GALNT17: variants seen among roughly 807,000 people sequenced by gnomAD.
GALNT17 encodes the protein polypeptide N-acetylgalactosaminyltransferase 17, also known as UDP-GalNAc:polypeptide N-acetylgalactosaminyltransferase-like 3.
GALNT17 carries 29 observed loss-of-function variants against 63.7 expected under a neutral mutation model. The observed-to-expected ratio is 0.46, with a 90% CI of 0.34 to 0.62. The LOEUF (loss-of-function observed/expected upper bound fraction) is 0.62, where lower values mean the gene tolerates loss of function less well. Ranked by LOEUF, GALNT17 falls within the 20% of genes least tolerant of loss-of-function variation. The probability of loss-of-function intolerance (pLI) is 0.01; values close to 1 mark genes in which losing one functional copy is unlikely to be tolerated. For missense variants in GALNT17, 603 were observed against 799.6 expected (o/e 0.75, Z 2.97); for synonymous variants, 305 against 318.3 (o/e 0.96, Z 0.45).
intron 5 of GALNT17, among the ~76,000 whole-genome samples, chr7:71,424,369 G>T (rs564099063): frequency 1.3e-5 from 2 of 152,332 alleles, no homozygotes; most frequent in East Asian, 3.9e-4. Flanking sequence ...CAGTATGAGG[G>T]TGTCACCGTA....
chr7:71,229,978 C>G (rs1382779660), intron 1 of GALNT17, among the ~76,000 whole-genome samples: 1 of 152,126 alleles, frequency 6.6e-6, no homozygotes, highest in Non-Finnish European at 1.5e-5. Flanking sequence ...CAGGCATTGC[C>G]CAGCACAGGC....
chr7:71,559,136 G>A (rs904095089), intron 5 of GALNT17, among the ~76,000 whole-genome samples: 8 of 152,208 alleles, frequency 5.3e-5, no homozygotes, highest in African/African-American at 1.4e-4. Context: ...TGAGCTGGAT[G>A]CAGTGTTTGA....
At chr7:71,699,252 G>A (rs1043271955) in intron 9 of GALNT17, among the ~76,000 whole-genome samples, 17 of 150,916 alleles carry the variant, frequency 1.1e-4, no homozygotes, top group South Asian at 2.1e-4. Context: ...GGCCGAGGCC[G>A]GTGGATCACG....
At chr7:71,291,112 C>G (rs533130777) in intron 1 of GALNT17, among the ~76,000 whole-genome samples, 3 of 152,318 alleles carry the variant, frequency 2.0e-5, no homozygotes, top group Non-Finnish European at 2.9e-5. Flanking sequence ...GAAATATACC[C>G]ATGATTATTA....
At chr7:71,335,756 G>C in intron 2 of GALNT17, 23 bp downstream of exon 2, 2 of 1,573,214 alleles carry the variant, frequency 1.3e-6, no homozygotes, top group Non-Finnish European at 1.7e-6. Context: ...TCAGTCATTT[G>C]CGGAGCTTGA....
chr7:71,711,239 G>A (rs922168445), intron 10 of GALNT17, among the ~76,000 whole-genome samples: 3 of 152,036 alleles, frequency 2.0e-5, no homozygotes, highest in Non-Finnish European at 2.9e-5. Flanking sequence ...GAGACCATCA[G>A]ACCAAGAATA....
At chr7:71,470,891 C>T (rs1347471117) in intron 5 of GALNT17, among the ~76,000 whole-genome samples, 1 of 152,074 alleles carries the variant, frequency 6.6e-6, no homozygotes, top group Non-Finnish European at 1.5e-5. Flanking sequence ...CAGTAATATA[C>T]TGGAATCTTG....
chr7:71,415,169 A>G (rs1161699671), intron 3 of GALNT17, among the ~76,000 whole-genome samples: 1 of 152,094 alleles, frequency 6.6e-6, no homozygotes, highest in Non-Finnish European at 1.5e-5. Flanking sequence ...GCACTCAGCC[A>G]AGTATCAGTC....
At chr7:71,613,000 C>T (rs1790147556) in intron 6 of GALNT17, among the ~76,000 whole-genome samples, 2 of 152,290 alleles carry the variant, frequency 1.3e-5, no homozygotes, top group African/African-American at 2.4e-5. Context: ...TGGTTAACGG[C>T]CCCCCTCTCG....
intron 9 of GALNT17, among the ~76,000 whole-genome samples, chr7:71,704,864 TC>T (rs1791700896): frequency 1.3e-5 from 2 of 151,974 alleles, no homozygotes; most frequent in African/African-American, 4.8e-5. Flanking sequence ...GAAAAAAAAT[TC>T]AAAGGGCATC....
intron 2 of GALNT17, among the ~76,000 whole-genome samples, chr7:71,337,539 A>C (rs1168290123): frequency 6.6e-6 from 1 of 152,132 alleles, no homozygotes; most frequent in African/African-American, 2.4e-5. Context: ...TATTGTTTCA[A>C]CTTACACTTT....
chr7:71,388,953 C>T (rs759290703), intron 3 of GALNT17, among the ~76,000 whole-genome samples: 2 of 152,170 alleles, frequency 1.3e-5, no homozygotes, highest in Non-Finnish European at 2.9e-5. Context: ...AGGAACTGGG[C>T]TCCACAGCAG....
chr7:71,142,406 T>C lies in GALNT17; in HGVS notation c.238+9366T>C, dbSNP rs562931099. ...CATCCCCTGCTCCTCCTCTTACTTA[T>C]AATGATGGTGCCTTTGGCTGATGGC... On this transcript the variant is annotated intron_variant, in intron 1 of 10. Coordinates refer to ENST00000333538, the MANE Select transcript of GALNT17 (RefSeq NM_022479.3). 5.9e-5 allele frequency among the ~76,000 whole-genome samples: 9 copies of C among 152,204 alleles called. No individual in the cohort carries two copies. In the South Asian group the frequency reaches 6.2e-4, roughly 10 times the overall value.
chr7:71,356,669 G>A (rs543894248), intron 2 of GALNT17, among the ~76,000 whole-genome samples: 2 of 152,172 alleles, frequency 1.3e-5, no homozygotes, highest in Non-Finnish European at 2.9e-5. Flanking sequence ...GTTCATGAGC[G>A]GTCGGCCCCA....
At chr7:71,411,465 T>C (rs1793428969) in intron 3 of GALNT17, among the ~76,000 whole-genome samples, 1 of 152,168 alleles carries the variant, frequency 6.6e-6, no homozygotes, top group Non-Finnish European at 1.5e-5. Flanking sequence ...ATTTGTGTGC[T>C]TCCATGGGAG....
At chr7:71,427,260 AT>A (rs559324303) in intron 5 of GALNT17, among the ~76,000 whole-genome samples, 7 of 149,072 alleles carry the variant, frequency 4.7e-5, no homozygotes, top group South Asian at 2.1e-4. Context: ...TTTTATTTTA[AT>A]TTTTTTTTGT....
chr7:71,393,147 G>A (rs368984888), intron 3 of GALNT17, among the ~76,000 whole-genome samples: 2 of 152,128 alleles, frequency 1.3e-5, no homozygotes, highest in African/African-American at 4.8e-5. Flanking sequence ...CTATAGATTT[G>A]TATCTGCATG....
chr7:71,467,669 G>A (rs1184267265), intron 5 of GALNT17, among the ~76,000 whole-genome samples: 2 of 152,070 alleles, frequency 1.3e-5, no homozygotes, highest in Non-Finnish European at 2.9e-5. Context: ...TGGCTGCTGA[G>A]CTACCAGCTT....
Position 71,415,984 on chromosome 7 carries a change from G to T in GALNT17, c.685G>T (p.Ala229Ser). 1 of 1,613,878 alleles carries T rather than the reference G, an allele frequency of 6.2e-7. No individual in the cohort carries two copies. The change falls in exon 4 of 11, where the codon GCT becomes TCT. Residue 229 changes from alanine to serine, a missense_variant. Transcript: ENST00000333538. ...TCAGAAGAGGGAAGGCCTGATCCGC[G>T]CTCGCATTGAGGGCTGGAAGGTGGC... is the stretch of plus-strand genomic sequence containing the variant. ...RNQKREGLIR[A>S]RIEGWKVATG...
Sources: gnomAD v4.1 joint callset for allele counts (sites outside exome capture counted in the v4.1 genomes callset) on GRCh38, gnomAD v4.1.1 for gene constraint, MANE v1.5 for transcripts, NCBI Gene and HGNC (gene_info 2026-07-23, HGNC 2026-07-21) for gene names.